SLC7A1: variants seen among roughly 807,000 people sequenced by gnomAD.
The protein encoded by SLC7A1 is high affinity cationic amino acid transporter 1.
A neutral mutation model predicts 53.9 loss-of-function variants in SLC7A1; 10 were observed. That is an observed-to-expected ratio of 0.19 (90% CI 0.11 to 0.31). The LOEUF (loss-of-function observed/expected upper bound fraction) is 0.31, where lower values mean the gene tolerates loss of function less well. Ranked by LOEUF, SLC7A1 falls within the 10% of genes least tolerant of loss-of-function variation. The pLI, the probability that SLC7A1 is intolerant of heterozygous loss-of-function variation, is 1.00. For synonymous variants in SLC7A1, 342 were observed against 338.7 expected, an observed-to-expected ratio of 1.01 and a Z score of -0.11; for missense variants, 525 against 827.2, an observed-to-expected ratio of 0.63 and a Z score of 4.48.
chr13:29,564,309 C>T (rs1293126390), intron 1 of SLC7A1, among the ~76,000 whole-genome samples: 2 of 152,166 alleles, frequency 1.3e-5, no homozygotes, highest in Admixed American at 6.5e-5. Flanking sequence ...TAAGTGCCTA[C>T]GATGCACCAG....
chr13:29,565,931 G>A (rs953338135), intron 1 of SLC7A1, among the ~76,000 whole-genome samples: 1 of 152,156 alleles, frequency 6.6e-6, no homozygotes, highest in Non-Finnish European at 1.5e-5. Context: ...CCATCACCCT[G>A]TCTAGACTCT....
At chr13:29,575,867 G>C (rs1365350969) in intron 1 of SLC7A1, among the ~76,000 whole-genome samples, 1 of 152,166 alleles carries the variant, frequency 6.6e-6, no homozygotes, top group Non-Finnish European at 1.5e-5. Context: ...AAGGCCTACA[G>C]AGCTCCCCAT....
chr13:29,585,858 A>G (rs766472354), intron 1 of SLC7A1, among the ~76,000 whole-genome samples: 1 of 152,180 alleles, frequency 6.6e-6, no homozygotes, highest in Non-Finnish European at 1.5e-5. Context: ...TGCAGGTAAG[A>G]ATGGGAAGCT....
intron 1 of SLC7A1, among the ~76,000 whole-genome samples, chr13:29,594,288 C>G (rs1029421947): frequency 1.3e-5 from 2 of 152,270 alleles, no homozygotes; most frequent in African/African-American, 4.8e-5. Flanking sequence ...TAGGGAGATA[C>G]ACCTGGGATT....
Position 29,524,106 on chromosome 13 carries a change from G to A in SLC7A1, c.826+26C>T, listed in dbSNP as rs201786428. 1.0e-4 allele frequency: 168 copies of A among 1,611,858 alleles called. 2 individuals are homozygous for A. In the East Asian group the frequency reaches 2.6e-3, roughly 25 times the overall value. On this transcript the variant is annotated intron_variant, in intron 6 of 12. Coordinates refer to ENST00000380752, the MANE Select transcript of SLC7A1 (RefSeq NM_003045.5). ...GTTTGCCCAGGGTGCAGGAGGACCC[G>A]GGACCGCAGTGGCTGGCGGACATAC...
intron 2 of SLC7A1, among the ~76,000 whole-genome samples, chr13:29,546,201 C>G (rs1220391369): frequency 1.3e-5 from 2 of 152,216 alleles, no homozygotes; most frequent in African/African-American, 4.8e-5. Context: ...AACCAGGGAG[C>G]TGGCCCTACA....
At chr13:29,594,949 T>C (rs1276458018) in intron 1 of SLC7A1, among the ~76,000 whole-genome samples, 1 of 151,930 alleles carries the variant, frequency 6.6e-6, no homozygotes, top group Non-Finnish European at 1.5e-5. Flanking sequence ...CCGGACCTCG[T>C]GGCGGGGCGG....
chr13:29,560,078 A>C (rs1330827041), intron 1 of SLC7A1, among the ~76,000 whole-genome samples: 1 of 152,168 alleles, frequency 6.6e-6, no homozygotes, highest in East Asian at 1.9e-4. Flanking sequence ...ATTACACAGA[A>C]GTACAAAAAT....
chr13:29,517,391 C>G, intron 10 of SLC7A1, 81 bp from the exon 11 acceptor site: 1 of 1,422,920 alleles, frequency 7.0e-7, no homozygotes, highest in Non-Finnish European at 9.7e-7. Context: ...CTCCCCTAAA[C>G]TTGTGGAGAG....
intron 8 of SLC7A1, among the ~76,000 whole-genome samples, chr13:29,521,502 C>T (rs192319231): frequency 2.6e-4 from 40 of 152,328 alleles, no homozygotes; most frequent in Non-Finnish European, 3.8e-4. Flanking sequence ...ATCCTCGCTT[C>T]ACCTCCCTGG....
intron 4 of SLC7A1, 86 bp from the exon 5 acceptor site, chr13:29,530,798 C>G (rs1869114691): frequency 8.9e-7 from 1 of 1,129,346 alleles, no homozygotes; most frequent in African/African-American, 1.6e-5. Flanking sequence ...AAGAAGGCGA[C>G]TGAAAAAGAA....
chr13:29,552,840 A>G (rs1227676354), intron 2 of SLC7A1, among the ~76,000 whole-genome samples: 2 of 151,820 alleles, frequency 1.3e-5, no homozygotes, highest in African/African-American at 4.9e-5. Flanking sequence ...TCCACATTCT[A>G]TATTTCTGTG....
intron 1 of SLC7A1, among the ~76,000 whole-genome samples, chr13:29,561,474 A>C (rs1214858275): frequency 6.6e-6 from 1 of 152,150 alleles, no homozygotes; most frequent in African/African-American, 2.4e-5. Flanking sequence ...GCAGCTCCCG[A>C]GGGGATATGT....
At chr13:29,564,201 C>T (rs768304453) in intron 1 of SLC7A1, among the ~76,000 whole-genome samples, 8 of 152,156 alleles carry the variant, frequency 5.3e-5, no homozygotes, top group Non-Finnish European at 8.8e-5. Context: ...ACCAACTATC[C>T]TGCACAGCTC....
chr13:29,547,169 G>A (rs909758903), intron 2 of SLC7A1, among the ~76,000 whole-genome samples: 21 of 152,130 alleles, frequency 1.4e-4, no homozygotes, highest in African/African-American at 5.1e-4. Flanking sequence ...ATATAAAAGA[G>A]TCATGAGTTA....
At chr13:29,567,848 T>G (rs1438132727) in intron 1 of SLC7A1, among the ~76,000 whole-genome samples, 1 of 151,970 alleles carries the variant, frequency 6.6e-6, no homozygotes, top group African/African-American at 2.4e-5. Flanking sequence ...CTTTTTTTTT[T>G]GGACTTAATT....
At chr13:29,518,522 T>C (rs1265029285) in intron 9 of SLC7A1, among the ~76,000 whole-genome samples, 1 of 152,178 alleles carries the variant, frequency 6.6e-6, no homozygotes, top group Non-Finnish European at 1.5e-5. Context: ...TTAACCATTT[T>C]TGTATGGATT....
At chr13:29,585,564 TTAAAA>T (rs1871845059) in intron 1 of SLC7A1, among the ~76,000 whole-genome samples, 1 of 152,152 alleles carries the variant, frequency 6.6e-6, no homozygotes, top group Non-Finnish European at 1.5e-5. Context: ...TCAAAGAAGT[TTAAAA>T]GCCGCCATCC....
chr13:29,518,777 T>C (rs528766261), intron 9 of SLC7A1, among the ~76,000 whole-genome samples: 46 of 152,260 alleles, frequency 3.0e-4, no homozygotes, highest in African/African-American at 1.1e-3. Context: ...AGACCAGTGC[T>C]GAGCGTCTCC....
Sources: allele counts gnomAD v4.1 joint callset (sites outside exome capture counted in the v4.1 genomes callset), GRCh38; gene constraint gnomAD v4.1.1; transcripts MANE v1.5; gene names NCBI Gene and HGNC (gene_info 2026-07-23, HGNC 2026-07-21).